RAPGEF4: variants seen among roughly 807,000 people sequenced by gnomAD.
The protein encoded by RAPGEF4 is Rap guanine nucleotide exchange factor 4.
In RAPGEF4, 66 loss-of-function variants were observed where a neutral mutation model predicts 147.9. That is an observed-to-expected ratio of 0.45 (90% CI 0.37 to 0.55). The LOEUF is 0.55. RAPGEF4 is among the 20% of genes least tolerant of loss of function. RAPGEF4 has a pLI of 0.00. For synonymous variants in RAPGEF4, 419 were observed against 442.7 expected, an observed-to-expected ratio of 0.95 and a Z score of 0.67; for missense variants, 1,071 against 1,257.3, an observed-to-expected ratio of 0.85 and a Z score of 2.24.
At chr2:173,023,733 G>A (rs1461590005) in intron 23 of RAPGEF4, among the ~76,000 whole-genome samples, 3 of 152,140 alleles carry the variant, frequency 2.0e-5, no homozygotes, top group Admixed American at 6.5e-5. Context: ...TGTGTTGTTA[G>A]GTAAACTTGT....
In RAPGEF4 at chr2:173,048,740, T is replaced by C. The variant is rs549326307; in HGVS notation, c.2908+86T>C. ...AGGCCATTGAGACACCCTTGGAGCCTGGGAAATATCTGACTGTGTCAGAGA... is the reference window on the plus strand; with the variant it reads ...AGGCCATTGAGACACCCTTGGAGCCCGGGAAATATCTGACTGTGTCAGAGA... On this transcript the variant is annotated intron_variant, in intron 30 of 30. Coordinates refer to ENST00000397081, the MANE Select transcript of RAPGEF4 (RefSeq NM_007023.4). 8.2e-6 allele frequency: 13 copies of C among 1,591,198 alleles called. No homozygotes were observed. The South Asian group carries it at 1.5e-4, about 18-fold the overall frequency.
intron 4 of RAPGEF4, among the ~76,000 whole-genome samples, chr2:172,868,669 T>A (rs964944633): frequency 2.6e-5 from 4 of 152,244 alleles, no homozygotes; most frequent in Middle Eastern, 3.2e-3. Flanking sequence ...GAATCATAGT[T>A]CTAGCTTCAT....
intron 10 of RAPGEF4, among the ~76,000 whole-genome samples, chr2:172,967,865 G>A (rs1690019611): frequency 6.6e-6 from 1 of 152,266 alleles, no homozygotes; most frequent in Admixed American, 6.5e-5. Context: ...CACTCATTCA[G>A]CACATGCTCT....
chr2:172,981,588 G>C (rs1386361847), intron 10 of RAPGEF4, among the ~76,000 whole-genome samples: 1 of 152,200 alleles, frequency 6.6e-6, no homozygotes, highest in Admixed American at 6.5e-5. Context: ...CATCTCCCGG[G>C]TCGTGGATTT....
chr2:172,784,444 G>A (rs1002875527), intron 1 of RAPGEF4, among the ~76,000 whole-genome samples: 1 of 151,684 alleles, frequency 6.6e-6, no homozygotes, highest in Non-Finnish European at 1.5e-5. Flanking sequence ...CTTGAACCCA[G>A]GAAGCAGAGC....
At chr2:172,786,692 TAG>T (rs1011533564) in intron 1 of RAPGEF4, among the ~76,000 whole-genome samples, 1 of 152,022 alleles carries the variant, frequency 6.6e-6, no homozygotes, top group African/African-American at 2.4e-5. Flanking sequence ...CTGGGAAATA[TAG>T]AGAGACCTTA....
At chr2:173,044,737 C>T (rs1685236831) in intron 29 of RAPGEF4, among the ~76,000 whole-genome samples, 1 of 152,170 alleles carries the variant, frequency 6.6e-6, no homozygotes, top group Non-Finnish European at 1.5e-5. Flanking sequence ...CTACACGGAT[C>T]CGGAGCGCCT....
At chr2:172,866,138 C>T (rs1426859233) in intron 4 of RAPGEF4, among the ~76,000 whole-genome samples, 1 of 152,134 alleles carries the variant, frequency 6.6e-6, no homozygotes, top group East Asian at 1.9e-4. Flanking sequence ...CAAAACAAAA[C>T]CTTCATCTTC....
At position 173,048,706 on chromosome 2, in the gene RAPGEF4, T is replaced by C. The variant is rs76957632; in HGVS notation, c.2908+52T>C. The C allele has an allele frequency of 3.5e-4, 564 of 1,613,004 alleles. 3 individuals carry two copies. The East Asian group carries it at 0.011, about 32-fold the overall frequency. ...AATGTAGATGTTGGTGATTAAGGTC[T>C]TCTTAATGAGGCCATTGAGACACCC... On this transcript the variant is annotated intron_variant, in intron 30 of 30. Transcript: ENST00000397081.
At chr2:173,016,127 G>A (rs1281363229) in intron 18 of RAPGEF4, among the ~76,000 whole-genome samples, 1 of 152,112 alleles carries the variant, frequency 6.6e-6, no homozygotes, top group Non-Finnish European at 1.5e-5. Flanking sequence ...TGATATCCGT[G>A]CAGTCATTGA....
chr2:172,804,929 G>A (rs970710954), intron 3 of RAPGEF4, among the ~76,000 whole-genome samples: 12 of 152,202 alleles, frequency 7.9e-5, no homozygotes, highest in Admixed American at 2.6e-4. Flanking sequence ...TCACCTTCCA[G>A]TGTCACCCCT....
intron 4 of RAPGEF4, among the ~76,000 whole-genome samples, chr2:172,817,187 A>G (rs986879500): frequency 1.5e-4 from 23 of 152,250 alleles, no homozygotes; most frequent in Admixed American, 1.5e-3. Flanking sequence ...ATGTTTATAC[A>G]TATATACAAA....
chr2:172,930,738 C>A lies in RAPGEF4; in HGVS notation c.537+8438C>A, dbSNP rs566803507. Among the ~76,000 whole-genome samples, 4 of 152,288 alleles carry A rather than the reference C, an allele frequency of 2.6e-5. No individual in the cohort carries two copies. In the South Asian group the frequency reaches 8.3e-4, roughly 32 times the overall value. ...TTAATAAGCATGTTAAATTTAGCAG[C>A]ATTCAGCCCAGTACCTAAGCCTGTG... On this transcript the variant is annotated intron_variant, in intron 6 of 30. Transcript: ENST00000397081.
chr2:172,987,341 T>G (rs889054878), intron 12 of RAPGEF4, among the ~76,000 whole-genome samples: 3 of 152,112 alleles, frequency 2.0e-5, no homozygotes, highest in Non-Finnish European at 4.4e-5. Context: ...CAACTACACT[T>G]GAAGACCCTT....
At chr2:172,975,527 C>T (rs1300182168) in intron 10 of RAPGEF4, among the ~76,000 whole-genome samples, 3 of 152,194 alleles carry the variant, frequency 2.0e-5, no homozygotes, top group Non-Finnish European at 4.4e-5. Context: ...ACTCCAAGTC[C>T]AATTTTATTT....
intron 3 of RAPGEF4, among the ~76,000 whole-genome samples, chr2:172,812,823 G>A (rs902522969): frequency 2.6e-5 from 4 of 152,214 alleles, no homozygotes; most frequent in African/African-American, 9.6e-5. Context: ...GGGAACTTCA[G>A]GGAACCTGCT....
chr2:172,741,652 C>T (rs1694308313), intron 1 of RAPGEF4, among the ~76,000 whole-genome samples: 1 of 152,024 alleles, frequency 6.6e-6, no homozygotes, highest in Admixed American at 6.5e-5. Flanking sequence ...GAAGAAATAG[C>T]AGTATGATTC....
At chr2:172,932,353 C>G (rs1686081363) in intron 6 of RAPGEF4, among the ~76,000 whole-genome samples, 1 of 152,166 alleles carries the variant, frequency 6.6e-6, no homozygotes, top group Non-Finnish European at 1.5e-5. Context: ...CAAGTCCATA[C>G]AGAACAATTG....
At chr2:172,824,202 T>G (rs901531335) in intron 4 of RAPGEF4, among the ~76,000 whole-genome samples, 1 of 152,264 alleles carries the variant, frequency 6.6e-6, no homozygotes, top group Non-Finnish European at 1.5e-5. Flanking sequence ...AAAACTGGTT[T>G]CACGTTAGAA....
Sources: gnomAD v4.1 joint callset for allele counts (sites outside exome capture counted in the v4.1 genomes callset) on GRCh38, gnomAD v4.1.1 for gene constraint, MANE v1.5 for transcripts, NCBI Gene and HGNC (gene_info 2026-07-23, HGNC 2026-07-21) for gene names.